Variants in CAMTA1 observed in about 807,000 individuals in gnomAD.
CAMTA1 encodes the protein calmodulin binding transcription activator 1.
CAMTA1 carries 27 observed loss-of-function variants against 170.9 expected under a neutral mutation model. The ratio of observed to expected loss-of-function variants is 0.16; its 90% CI spans 0.12 to 0.22. The LOEUF (loss-of-function observed/expected upper bound fraction) is 0.22, where lower values mean the gene tolerates loss of function less well. Ranked by LOEUF, CAMTA1 falls within the 10% of genes least tolerant of loss-of-function variation. The probability of loss-of-function intolerance (pLI) is 1.00; values close to 1 mark genes in which losing one functional copy is unlikely to be tolerated. For synonymous variants in CAMTA1, 833 were observed against 891.5 expected (o/e 0.93, Z 1.17); for missense variants, 1,619 against 2,217.2 (o/e 0.73, Z 5.42).
chr1:7,232,048 C>T (rs927006198), intron 4 of CAMTA1, among the ~76,000 whole-genome samples: 2 of 152,196 alleles, frequency 1.3e-5, no homozygotes, highest in East Asian at 3.9e-4. Context: ...CACCACCCAT[C>T]GGAGGCTGGT....
chr1:7,765,067 C>T (rs2097008817), intron 22 of CAMTA1, among the ~76,000 whole-genome samples: 1 of 152,136 alleles, frequency 6.6e-6, no homozygotes, highest in African/African-American at 2.4e-5. Context: ...TATAGCACCA[C>T]GACAAATCCA....
At chr1:7,613,929 T>TG (rs901764998) in intron 6 of CAMTA1, among the ~76,000 whole-genome samples, 2 of 31,778 alleles carry the variant, frequency 6.3e-5, no homozygotes, top group Non-Finnish European at 1.2e-4. Flanking sequence ...AGAGAGATGG[T>TG]GGGGGGGCAG....
At chr1:6,817,178 T>C (rs1006869745) in intron 1 of CAMTA1, among the ~76,000 whole-genome samples, 1 of 152,220 alleles carries the variant, frequency 6.6e-6, no homozygotes, top group Non-Finnish European at 1.5e-5. Flanking sequence ...TATGAAGCTA[T>C]TCATTAGTGT....
At chr1:6,881,739 G>A (rs1023343292) in intron 3 of CAMTA1, among the ~76,000 whole-genome samples, 1 of 152,208 alleles carries the variant, frequency 6.6e-6, no homozygotes, top group Non-Finnish European at 1.5e-5. Flanking sequence ...AGGCCAGTGT[G>A]GGCGGATCTT....
At chr1:6,804,019 A>C (rs959926549) in intron 1 of CAMTA1, among the ~76,000 whole-genome samples, 1 of 151,880 alleles carries the variant, frequency 6.6e-6, no homozygotes, top group African/African-American at 2.4e-5. Flanking sequence ...CCCCTTCTCT[A>C]CTAAAAAAAA....
intron 6 of CAMTA1, among the ~76,000 whole-genome samples, chr1:7,509,580 CT>C (rs1319576429): frequency 5.9e-5 from 9 of 152,176 alleles, no homozygotes; most frequent in African/African-American, 2.2e-4. Context: ...GGGCTGTATT[CT>C]GGGAGCACCC....
In CAMTA1 at chr1:6,815,210, C is replaced by CT. The variant is rs942240343; in HGVS notation, c.46-4959dup. 8.6e-3 allele frequency among the ~76,000 whole-genome samples: 1,247 copies of CT among 144,794 alleles called. 8 individuals are homozygous for CT. The highest frequency in any genetic ancestry group is 0.015 in the African/African-American group (583 of 39,812). 95.0% of individuals were successfully genotyped at this position (144,794 alleles called of 152,430 possible). On this transcript the variant is annotated intron_variant, in intron 1 of 22. Coordinates refer to ENST00000303635, the MANE Select transcript of CAMTA1 (RefSeq NM_015215.4). ...TCTGCATCTCTCCTCTTGGGTATTT[C>CT]TTTTTTTTTTTTGAGACGGGGTCTC...
intron 3 of CAMTA1, among the ~76,000 whole-genome samples, chr1:7,011,640 CCTGT>C (rs1699819199): frequency 6.6e-6 from 1 of 152,144 alleles, no homozygotes; most frequent in Non-Finnish European, 1.5e-5. Context: ...CAGCTTCATC[CCTGT>C]CTACTTCCTT....
chr1:6,864,358 T>C (rs1665848291), intron 3 of CAMTA1, among the ~76,000 whole-genome samples: 1 of 152,210 alleles, frequency 6.6e-6, no homozygotes, highest in South Asian at 2.1e-4. Context: ...CATGCCCTGC[T>C]TGTGCCCTTG....
chr1:7,747,123 G>T (rs1178061379), intron 18 of CAMTA1, among the ~76,000 whole-genome samples: 1 of 152,164 alleles, frequency 6.6e-6, no homozygotes, highest in East Asian at 1.9e-4. Flanking sequence ...ACATACTGTT[G>T]GTAATGATAA....
Position 7,224,841 on chromosome 1 carries a change from C to T in CAMTA1, c.303-24650C>T, listed in dbSNP as rs370431980. On this transcript the variant is annotated intron_variant, in intron 4 of 22. Coordinates refer to ENST00000303635, the MANE Select transcript of CAMTA1 (RefSeq NM_015215.4). This position sits in a 1 kb window ranked among gnomAD's most constrained non-coding sequence, Gnocchi z 5.2. ...GATGGTCCGTTGGCACCCTGCCCAC[C>T]GCACTTCAGCTTCCCTTGCTGCCAC... is the stretch of plus-strand genomic sequence containing the variant. Among the ~76,000 whole-genome samples the T allele has an allele frequency of 6.6e-5, 10 of 152,194 alleles. No individual in the cohort carries two copies. The highest frequency in any genetic ancestry group is 2.4e-4 in the African/African-American group (10 of 41,448).
chr1:7,528,373 T>A (rs1455965058), intron 6 of CAMTA1, among the ~76,000 whole-genome samples: 1 of 152,108 alleles, frequency 6.6e-6, no homozygotes, highest in Non-Finnish European at 1.5e-5. Flanking sequence ...TAATTTTAAA[T>A]TAAAATAGCT....
In CAMTA1 at chr1:7,064,671, G is replaced by A. The variant is rs1025309032; in HGVS notation, c.235-26633G>A. Among the ~76,000 whole-genome samples, 2 of 151,792 alleles carry A rather than the reference G, an allele frequency of 1.3e-5. No individual in the cohort carries two copies. The highest frequency in any genetic ancestry group is 3.9e-4 in the East Asian group (2 of 5,140). ...CTACAGCAAACAGATGGGAAAGACT[G>A]AAGCATGTCCCGGGACTGAAGGAAG... is the stretch of plus-strand genomic sequence containing the variant. On this transcript the variant is annotated intron_variant, in intron 3 of 22. Transcript: ENST00000303635. The surrounding 1 kb of genome is among the most constrained non-coding windows in gnomAD (Gnocchi z 5.4).
chr1:7,517,598 A>C (rs1296859606), intron 6 of CAMTA1, among the ~76,000 whole-genome samples: 2 of 150,310 alleles, frequency 1.3e-5, no homozygotes, highest in Non-Finnish European at 2.9e-5. Context: ...AAAAAGTAAA[A>C]CAGATATGAA....
chr1:6,983,398 C>T (rs1443696478), intron 3 of CAMTA1, among the ~76,000 whole-genome samples: 1 of 152,128 alleles, frequency 6.6e-6, no homozygotes, highest in Non-Finnish European at 1.5e-5. Flanking sequence ...ACCTACTCTC[C>T]CTCTTCTTCC....
At chr1:7,359,273 G>GAGA (rs2085362540) in intron 5 of CAMTA1, among the ~76,000 whole-genome samples, 1 of 152,090 alleles carries the variant, frequency 6.6e-6, no homozygotes, top group African/African-American at 2.4e-5. Flanking sequence ...AGGGACCATG[G>GAGA]AGAAGGGCAT....
intron 6 of CAMTA1, among the ~76,000 whole-genome samples, chr1:7,638,399 G>A (rs529080251): frequency 1.3e-5 from 2 of 152,328 alleles, no homozygotes; most frequent in African/African-American, 4.8e-5. Context: ...CCAGCAGTTT[G>A]GGAGGCCGAG....
intron 1 of CAMTA1, among the ~76,000 whole-genome samples, chr1:6,815,313 G>A (rs1645657730): frequency 6.6e-6 from 1 of 151,596 alleles, no homozygotes. Context: ...CAAGCAATCC[G>A]CCTGCCTCAG....
chr1:7,597,280 T>C (rs1182646766), intron 6 of CAMTA1, among the ~76,000 whole-genome samples: 2 of 152,204 alleles, frequency 1.3e-5, no homozygotes, highest in Non-Finnish European at 2.9e-5. Context: ...CAATGCCTCC[T>C]AGAACTGGTG....
Sources: allele counts gnomAD v4.1 joint callset (sites outside exome capture counted in the v4.1 genomes callset), GRCh38; gene constraint gnomAD v4.1.1; non-coding constraint Gnocchi (gnomAD v3.1); transcripts MANE v1.5; gene names NCBI Gene and HGNC (gene_info 2026-07-23, HGNC 2026-07-21).